The following PAK5 variants were observed in gnomAD, a reference collection of about 807,000 sequenced individuals.
PAK5 encodes the protein serine/threonine-protein kinase PAK 5.
Under a neutral mutation model 65.9 loss-of-function variants are expected in PAK5, and 16 were observed. That is an observed-to-expected ratio of 0.24 (90% CI 0.16 to 0.37). The LOEUF (loss-of-function observed/expected upper bound fraction) is 0.37, where lower values mean the gene tolerates loss of function less well. Among genes scored for constraint, PAK5 ranks in the 10% least tolerant of loss-of-function variants. PAK5 has a pLI of 1.00. For missense variants in PAK5, 785 were observed against 903.9 expected (o/e 0.87, Z 1.69); for synonymous variants, 371 against 354.9 (o/e 1.05, Z -0.51).
intron 1 of PAK5, among the ~76,000 whole-genome samples, chr20:9,811,030 T>A (rs1037829123): frequency 6.6e-6 from 1 of 152,164 alleles, no homozygotes; most frequent in Non-Finnish European, 1.5e-5. Context: ...AGAAGCAGTA[T>A]AATGGTTTAT....
chr20:9,834,755 T>C (rs1229641835), intron 1 of PAK5, among the ~76,000 whole-genome samples: 1 of 152,176 alleles, frequency 6.6e-6, no homozygotes, highest in Non-Finnish European at 1.5e-5. Context: ...CACTGGCATA[T>C]AACAGAAGCT....
At chr20:9,552,657 C>T (rs998380072) in intron 7 of PAK5, among the ~76,000 whole-genome samples, 1 of 151,678 alleles carries the variant, frequency 6.6e-6, no homozygotes, top group Non-Finnish European at 1.5e-5. Flanking sequence ...AGAAAGCATT[C>T]ATTCTTTCAA....
chr20:9,800,934 G>T (rs1347366941), intron 1 of PAK5, among the ~76,000 whole-genome samples: 2 of 151,690 alleles, frequency 1.3e-5, no homozygotes, highest in African/African-American at 4.8e-5. Flanking sequence ...ACTAGTGAAA[G>T]AAATAAATAT....
intron 2 of PAK5, among the ~76,000 whole-genome samples, chr20:9,665,662 CT>C (rs113553567): frequency 1.6e-3 from 234 of 144,006 alleles, no homozygotes; most frequent in Admixed American, 2.6e-3. Context: ...CTTTTCTTTT[CT>C]TTTTTTTTTT....
At chr20:9,836,283 C>A (rs952642658) in intron 1 of PAK5, among the ~76,000 whole-genome samples, 4 of 152,142 alleles carry the variant, frequency 2.6e-5, no homozygotes, top group Non-Finnish European at 5.9e-5. Context: ...CCATCCAGAA[C>A]CTGTGAATAT....
intron 1 of PAK5, among the ~76,000 whole-genome samples, chr20:9,793,135 C>A (rs909988433): frequency 6.6e-6 from 1 of 152,118 alleles, no homozygotes; most frequent in African/African-American, 2.4e-5. Flanking sequence ...ACTCCCTCTA[C>A]CTCTCAGTTC....
chr20:9,545,777 T>C (rs1466974107), intron 7 of PAK5, among the ~76,000 whole-genome samples: 1 of 152,182 alleles, frequency 6.6e-6, no homozygotes, highest in Admixed American at 6.5e-5. Context: ...TGACCACAAG[T>C]ACTTCCAAAC....
intron 1 of PAK5, among the ~76,000 whole-genome samples, chr20:9,796,629 G>GA (rs1396317021): frequency 6.6e-6 from 1 of 152,056 alleles, no homozygotes; most frequent in Non-Finnish European, 1.5e-5. Flanking sequence ...ACTGCTGCAG[G>GA]AAAAAAGGAT....
intron 2 of PAK5, among the ~76,000 whole-genome samples, chr20:9,651,142 A>G (rs2047197808): frequency 1.3e-5 from 2 of 152,180 alleles, no homozygotes; most frequent in African/African-American, 2.4e-5. Context: ...GTCCTGCTAC[A>G]TTTATCAGTT....
rs114305382 is a variant in PAK5, at chr20:9,628,872, C to T, written c.204+15253G>A. On this transcript the variant is annotated intron_variant, in intron 3 of 9. Coordinates refer to ENST00000353224, the MANE Select transcript of PAK5 (RefSeq NM_177990.4). ...CCAGGAAATTAACTCCTGGGAGCAA[C>T]GCACAACCAAGAAAGCTTGGAGTTG... 3.8e-3 allele frequency among the ~76,000 whole-genome samples: 578 copies of T among 152,256 alleles called. 5 individuals carry two copies. Among genetic ancestry groups the T allele is most frequent in the African/African-American group, 0.013 (539 of 41,534 alleles).
At chr20:9,571,869 A>C (rs1216730485) in intron 4 of PAK5, among the ~76,000 whole-genome samples, 2 of 77,158 alleles carry the variant, frequency 2.6e-5, no homozygotes, top group Non-Finnish European at 4.6e-5. Context: ...GATAGGCATG[A>C]ATGATGGGGG....
chr20:9,707,873 C>T (rs1013678571), intron 2 of PAK5, among the ~76,000 whole-genome samples: 4 of 152,128 alleles, frequency 2.6e-5, no homozygotes, highest in African/African-American at 9.7e-5. Context: ...CTAAGATCAG[C>T]CAAGCTTAGT....
intron 1 of PAK5, among the ~76,000 whole-genome samples, chr20:9,778,764 A>G (rs1002673151): frequency 2.0e-5 from 3 of 152,078 alleles, no homozygotes; most frequent in African/African-American, 7.2e-5. Flanking sequence ...CTCTTTTTCT[A>G]TGCCCTTTTC....
chr20:9,625,573 T>G (rs1034760513), intron 3 of PAK5, among the ~76,000 whole-genome samples: 1 of 152,220 alleles, frequency 6.6e-6, no homozygotes, highest in Non-Finnish European at 1.5e-5. Flanking sequence ...ATTTTTTTCT[T>G]TTCTTTTTCT....
chr20:9,621,223 T>TATAAAG (rs2046762137), intron 3 of PAK5, among the ~76,000 whole-genome samples: 1 of 151,564 alleles, frequency 6.6e-6, no homozygotes, highest in South Asian at 2.1e-4. Context: ...TATGCAAAAA[T>TATAAAG]ATAAAGAGAG....
intron 1 of PAK5, among the ~76,000 whole-genome samples, chr20:9,725,164 G>A (rs1375756981): frequency 2.0e-5 from 3 of 152,104 alleles, no homozygotes; most frequent in Non-Finnish European, 4.4e-5. Context: ...GTGCCTGGAG[G>A]AAGTCTGCCT....
intron 2 of PAK5, among the ~76,000 whole-genome samples, chr20:9,705,993 T>G (rs2048001767): frequency 6.6e-6 from 1 of 152,084 alleles, no homozygotes; most frequent in South Asian, 2.1e-4. Context: ...AGGAGTACAA[T>G]GAAAGTGGCT....
chr20:9,636,573 C>T (rs933269752), intron 3 of PAK5, among the ~76,000 whole-genome samples: 1 of 152,012 alleles, frequency 6.6e-6, no homozygotes, highest in Admixed American at 6.6e-5. Flanking sequence ...TGTGACTCTT[C>T]AATCTTTAAA....
chr20:9,654,295 C>T (rs1354346978), intron 2 of PAK5, among the ~76,000 whole-genome samples: 2 of 152,054 alleles, frequency 1.3e-5, no homozygotes, highest in Admixed American at 6.6e-5. Context: ...TTTCCTCTGA[C>T]TCTCTTATTT....
Sources: allele counts gnomAD v4.1 joint callset (sites outside exome capture counted in the v4.1 genomes callset), GRCh38; gene constraint gnomAD v4.1.1; transcripts MANE v1.5; gene names NCBI Gene and HGNC (gene_info 2026-07-23, HGNC 2026-07-21).